Variants in TAF2 observed in about 807,000 individuals in gnomAD.
The protein encoded by TAF2 is transcription initiation factor TFIID subunit 2.
In TAF2, 61 loss-of-function variants were observed where a neutral mutation model predicts 138.5. The observed-to-expected ratio is 0.44, with a 90% CI of 0.36 to 0.54. TAF2 has a LOEUF of 0.54. Ranked by LOEUF, TAF2 falls within the 20% of genes least tolerant of loss-of-function variation. The pLI is 0.00. For synonymous variants in TAF2, 475 were observed against 469.9 expected (o/e 1.01, Z -0.14); for missense variants, 1,090 against 1,427.9 (o/e 0.76, Z 3.81).
chr8:119,788,469 G>C (rs372876907), intron 13 of TAF2, 22 bp from the exon 14 acceptor site: 436 of 1,554,454 alleles, frequency 2.8e-4, no homozygotes, highest in Non-Finnish European at 3.6e-4. Flanking sequence ...AAAACGTACT[G>C]TTCAGAGATG....
At position 119,746,733 on chromosome 8, in the gene TAF2, T is replaced by C; in HGVS notation, c.3080A>G (p.His1027Arg). Residue 1027 changes from histidine (H) to arginine (R), a missense_variant, in exon 23 of 26, where the codon CAC becomes CGC. His to Arg is a conservative substitution (Grantham distance 29). Around this residue, in one of 3 missense-constraint regions of TAF2, gnomAD observed 580 missense variants for 719.6 expected, o/e 0.81. Transcript: ENST00000378164. ...GTTCTGAAATCCAACTAGCTGTGGG[T>C]GACTGCTTGGATTATTTGCAGCTTC... ...NQEAANNPSS[H>R]PQLVGFQNPF... 6.2e-7 allele frequency: 1 copy of C among 1,614,148 alleles called. No homozygotes were observed. The highest frequency in any genetic ancestry group is 8.5e-7 in the Non-Finnish European group (1 of 1,180,010).
intron 3 of TAF2, 101 bp from the exon 4 acceptor site, chr8:119,806,502 C>T (rs1168051435): frequency 2.2e-6 from 2 of 892,548 alleles, no homozygotes; most frequent in African/African-American, 1.8e-5. Context: ...TGAAGTCTCA[C>T]TCTGTTGCCC....
intron 22 of TAF2, among the ~76,000 whole-genome samples, chr8:119,752,427 T>C (rs983798200): frequency 2.0e-5 from 3 of 151,966 alleles, no homozygotes; most frequent in Admixed American, 2.0e-4. Context: ...AGCCCTGAGA[T>C]CTCAAAAAGT....
intron 22 of TAF2, among the ~76,000 whole-genome samples, chr8:119,753,800 T>C (rs1469196232): frequency 3.3e-5 from 5 of 152,232 alleles, no homozygotes; most frequent in Admixed American, 2.0e-4. Context: ...TATTTCACTA[T>C]GCTTTCTTCA....
chr8:119,802,231 A>G (rs1185622068), intron 5 of TAF2, among the ~76,000 whole-genome samples: 1 of 152,228 alleles, frequency 6.6e-6, no homozygotes, highest in Admixed American at 6.5e-5. Flanking sequence ...TATTAAGAAA[A>G]TATATTATGT....
chr8:119,735,427 T>G (rs942069205), intron 25 of TAF2, among the ~76,000 whole-genome samples: 1 of 152,198 alleles, frequency 6.6e-6, no homozygotes, highest in Non-Finnish European at 1.5e-5. Context: ...GAGAGAAGAA[T>G]AATGCACAAA....
chr8:119,800,092 T>C (rs1824145512), intron 6 of TAF2, among the ~76,000 whole-genome samples: 2 of 152,240 alleles, frequency 1.3e-5, no homozygotes, highest in African/African-American at 4.8e-5. Context: ...ATTCTGTAGG[T>C]TGCCTGTTCA....
At position 119,762,470 on chromosome 8, in the gene TAF2, T is replaced by C. The variant is rs1184081612; in HGVS notation, c.2503A>G (p.Arg835Gly). The C allele has an allele frequency of 1.2e-6, 2 of 1,614,036 alleles. No homozygotes were observed. The highest frequency in any genetic ancestry group is 1.7e-6 in the Non-Finnish European group (2 of 1,179,952). Residue 835 changes from arginine (R) to glycine (G), a missense_variant, in exon 19 of 26, where the codon AGA (arginine) becomes GGA (glycine). By Grantham distance (125) the Arg-to-Gly change is moderately radical (BLOSUM62 -2). Coordinates refer to ENST00000378164, the MANE Select transcript of TAF2 (RefSeq NM_003184.4). ...AGAAGTTTTTCCATATTCAAAAATC[T>C]GGTGATTTCTTCAAGAATGAGTCGC... ...DVRLILEEIT[R>G]FLNMEKLLPS...
intron 25 of TAF2, among the ~76,000 whole-genome samples, chr8:119,737,745 A>G (rs1819324458): frequency 6.6e-6 from 1 of 151,812 alleles, no homozygotes; most frequent in Admixed American, 6.6e-5. Context: ...CTGACCTCAA[A>G]TGATCCCCCA....
chr8:119,765,001 C>T (rs1821322686), intron 18 of TAF2, among the ~76,000 whole-genome samples: 1 of 152,044 alleles, frequency 6.6e-6, no homozygotes, highest in Admixed American at 6.6e-5. Context: ...TCAGGTATAA[C>T]AGTTCTCAAA....
Position 119,832,658 on chromosome 8 carries a change from TC to T in TAF2, c.-95del. 2.4e-6 allele frequency: 3 copies of T among 1,227,302 alleles called. No individual in the cohort carries two copies. The highest frequency in any genetic ancestry group is 3.4e-6 in the Non-Finnish European group (3 of 875,266). 76.0% of individuals were successfully genotyped at this position (1,227,302 alleles called of 1,614,324 possible). A position where few individuals can be genotyped will look rare whatever the true frequency, so the allele number is the denominator to read the frequency against. On this transcript the variant is annotated 5_prime_UTR_variant, in exon 1 of 26. Transcript: ENST00000378164. ...CCTCACACTCTCCACTCCCCTGCGG[TC>T]CCCAAGTCACGTCTCGCAGCTGGCC...
At chr8:119,830,055 C>T (rs1826348953) in intron 2 of TAF2, among the ~76,000 whole-genome samples, 1 of 151,710 alleles carries the variant, frequency 6.6e-6, no homozygotes. Context: ...CCCACCACCA[C>T]AGCCGGCTAA....
intron 3 of TAF2, 68 bp from the exon 4 acceptor site, chr8:119,806,469 C>CTT (rs71571631): frequency 3.2e-4 from 243 of 762,072 alleles, no homozygotes; most frequent in Non-Finnish European, 3.8e-4. Context: ...TTCTTTCTTT[C>CTT]TTTTTTTTTT....
chr8:119,765,126 T>TTAAA (rs970700743), intron 18 of TAF2, among the ~76,000 whole-genome samples: 8 of 152,136 alleles, frequency 5.3e-5, no homozygotes, highest in Admixed American at 3.9e-4. Context: ...AGGAGATAAA[T>TTAAA]TAAATACTTC....
intron 3 of TAF2, among the ~76,000 whole-genome samples, chr8:119,817,045 G>C (rs759743795): frequency 6.6e-6 from 1 of 152,116 alleles, no homozygotes; most frequent in African/African-American, 2.4e-5. Flanking sequence ...AAAAAAGCAG[G>C]GATAGTCAAG....
At position 119,832,526 on chromosome 8, in the gene TAF2, C is replaced by T; in HGVS notation, c.39G>A (p.Arg13=). Residue 13 remains arginine, a synonymous_variant, in exon 1 of 26, where the codon AGG becomes AGA. Coordinates refer to ENST00000378164, the MANE Select transcript of TAF2 (RefSeq NM_003184.4). ...LTGVEPARMN[R]KKGDKGFESP... Reference sequence around the variant, plus strand: ...TTTCAAAGCCCTTGTCTCCTTTCTTCCTGTTCATTCTGGCGGGCTCTACAC... The same window carrying T: ...TTTCAAAGCCCTTGTCTCCTTTCTTTCTGTTCATTCTGGCGGGCTCTACAC... The T allele has an allele frequency of 1.9e-6, 3 of 1,607,214 alleles. No individual in the cohort carries two copies. Among genetic ancestry groups the T allele is most frequent in the Middle Eastern group, 1.7e-4 (1 of 5,884 alleles).
At chr8:119,763,031 A>G (rs1291861012) in intron 18 of TAF2, 1 of 159,100 alleles carries the variant, frequency 6.3e-6, no homozygotes, top group Non-Finnish European at 1.4e-5. Context: ...TGCTGTGGCC[A>G]GGGAAATTCA....
intron 19 of TAF2, 85 bp downstream of exon 19, chr8:119,762,325 TTACTA>T (rs912039415): frequency 2.5e-5 from 32 of 1,281,124 alleles, no homozygotes; most frequent in Admixed American, 4.0e-5. Flanking sequence ...TCATTTTACT[TTACTA>T]TATTTCCCAA....
chr8:119,813,224 G>A (rs1825219917), intron 3 of TAF2, among the ~76,000 whole-genome samples: 1 of 152,088 alleles, frequency 6.6e-6, no homozygotes, highest in South Asian at 2.1e-4. Context: ...CTTTATATGT[G>A]TTGACTATTT....
Sources: gnomAD v4.1 joint callset for allele counts (sites outside exome capture counted in the v4.1 genomes callset) on GRCh38, gnomAD v4.1.1 for gene constraint, gnomAD v4.1.1 regional missense constraint, MANE v1.5 for transcripts, NCBI Gene and HGNC (gene_info 2026-07-23, HGNC 2026-07-21) for gene names.